Variants in CNTNAP2 observed in about 807,000 individuals in gnomAD.
CNTNAP2 encodes the protein contactin-associated protein-like 2.
CNTNAP2 carries 98 observed loss-of-function variants against 155.2 expected under a neutral mutation model. The observed-to-expected ratio is 0.63, with a 90% CI of 0.54 to 0.75. CNTNAP2 has a LOEUF of 0.75. Among genes scored for constraint, CNTNAP2 ranks in the 30% least tolerant of loss-of-function variants. The pLI, the probability that CNTNAP2 is intolerant of heterozygous loss-of-function variation, is 0.00. For missense variants in CNTNAP2, 1,727 were observed against 1,688.1 expected, an observed-to-expected ratio of 1.02 and a Z score of -0.40; for synonymous variants, 651 against 631.2, an observed-to-expected ratio of 1.03 and a Z score of -0.47.
At chr7:148,112,160 C>T (rs1804366587) in intron 15 of CNTNAP2, among the ~76,000 whole-genome samples, 1 of 152,108 alleles carries the variant, frequency 6.6e-6, no homozygotes, top group Non-Finnish European at 1.5e-5. Context: ...AAGAGTTTTA[C>T]TGCTGTGTTA....
At chr7:147,306,034 G>T (rs1048032617) in intron 9 of CNTNAP2, among the ~76,000 whole-genome samples, 8 of 152,012 alleles carry the variant, frequency 5.3e-5, no homozygotes, top group Non-Finnish European at 1.2e-4. Context: ...ATGGGATTAG[G>T]TATCATCCTA....
intron 6 of CNTNAP2, among the ~76,000 whole-genome samples, chr7:147,125,814 A>C (rs2129283830): frequency 6.6e-6 from 1 of 152,318 alleles, no homozygotes; most frequent in South Asian, 2.1e-4. Context: ...AGGAAGTAAT[A>C]GAAAAAAATG....
chr7:146,985,030 C>T (rs1394821922), intron 3 of CNTNAP2, among the ~76,000 whole-genome samples: 1 of 152,156 alleles, frequency 6.6e-6, no homozygotes, highest in Non-Finnish European at 1.5e-5. Context: ...GTCACAAAAA[C>T]ACACTATCCT....
chr7:147,447,869 C>A (rs1176296524), intron 10 of CNTNAP2, among the ~76,000 whole-genome samples: 1 of 151,868 alleles, frequency 6.6e-6, no homozygotes, highest in African/African-American at 2.4e-5. Context: ...ATAAATATGG[C>A]TAGTATCAAG....
chr7:146,289,467 T>C (rs908411922), intron 1 of CNTNAP2, among the ~76,000 whole-genome samples: 2 of 152,228 alleles, frequency 1.3e-5, no homozygotes, highest in African/African-American at 4.8e-5. Context: ...CATTTTTCTG[T>C]TATGATTAAT....
chr7:147,378,592 A>G (rs937532183), intron 9 of CNTNAP2, among the ~76,000 whole-genome samples: 3 of 152,074 alleles, frequency 2.0e-5, no homozygotes, highest in African/African-American at 4.8e-5. Context: ...AATGATGGTT[A>G]TCAAAGGCTG....
chr7:146,707,670 G>A (rs917922323), intron 1 of CNTNAP2, among the ~76,000 whole-genome samples: 2 of 152,126 alleles, frequency 1.3e-5, no homozygotes, highest in African/African-American at 4.8e-5. Context: ...CCTTTGAAAT[G>A]GTCAAGCTTT....
intron 8 of CNTNAP2, among the ~76,000 whole-genome samples, chr7:147,179,810 A>C (rs1802418340): frequency 6.6e-6 from 1 of 152,132 alleles, no homozygotes; most frequent in African/African-American, 2.4e-5. Flanking sequence ...CAAAAACTTT[A>C]AAGGGTTACA....
At chr7:146,945,863 A>T (rs534889388) in intron 3 of CNTNAP2, among the ~76,000 whole-genome samples, 1 of 152,252 alleles carries the variant, frequency 6.6e-6, no homozygotes, top group Admixed American at 6.5e-5. Context: ...GAGTACAATG[A>T]TCATTTTCTT....
chr7:147,369,103 T>C (rs1342828336), intron 9 of CNTNAP2, among the ~76,000 whole-genome samples: 1 of 152,248 alleles, frequency 6.6e-6, no homozygotes, highest in African/African-American at 2.4e-5. Flanking sequence ...TTGAATACTT[T>C]CTAACCACGT....
At chr7:146,145,880 A>G (rs1797950404) in intron 1 of CNTNAP2, among the ~76,000 whole-genome samples, 1 of 152,218 alleles carries the variant, frequency 6.6e-6, no homozygotes, top group African/African-American at 2.4e-5. Context: ...AGAAGCAGCC[A>G]TGAGTTTGTG....
At chr7:147,192,329 A>C (rs1400859128) in intron 8 of CNTNAP2, among the ~76,000 whole-genome samples, 1 of 107,210 alleles carries the variant, frequency 9.3e-6, no homozygotes, top group Non-Finnish European at 2.1e-5. Flanking sequence ...TTTTAATACC[A>C]CTTCTTCTCC....
chr7:146,360,523 G>C (rs773496290), intron 1 of CNTNAP2, among the ~76,000 whole-genome samples: 4 of 151,774 alleles, frequency 2.6e-5, no homozygotes, highest in Non-Finnish European at 2.9e-5. Flanking sequence ...GTTTAGAATA[G>C]AGGGAGTTAC....
chr7:146,647,668 A>G (rs1799838107), intron 1 of CNTNAP2, among the ~76,000 whole-genome samples: 1 of 152,134 alleles, frequency 6.6e-6, no homozygotes, highest in Non-Finnish European at 1.5e-5. Context: ...AGAAAAACAT[A>G]AGGTCTTACT....
chr7:146,879,649 T>G (rs1795499259), intron 3 of CNTNAP2, among the ~76,000 whole-genome samples: 1 of 152,176 alleles, frequency 6.6e-6, no homozygotes, highest in South Asian at 2.1e-4. Flanking sequence ...AATGCCTGGG[T>G]CCAGAACCTG....
chr7:147,844,788 A>G (rs934982649), intron 13 of CNTNAP2, among the ~76,000 whole-genome samples: 2 of 41,802 alleles, frequency 4.8e-5, no homozygotes, highest in Non-Finnish European at 8.4e-5. Flanking sequence ...TAATTTATTG[A>G]GAGTTTTTAG....
At chr7:148,115,422 G>A (rs1049845001) in intron 15 of CNTNAP2, among the ~76,000 whole-genome samples, 14 of 152,150 alleles carry the variant, frequency 9.2e-5, no homozygotes, top group Non-Finnish European at 1.9e-4. Context: ...TCGTATCCTG[G>A]GGATACAGCC....
At chr7:146,785,968 A>G (rs1384969904) in intron 2 of CNTNAP2, among the ~76,000 whole-genome samples, 1 of 152,222 alleles carries the variant, frequency 6.6e-6, no homozygotes, top group Non-Finnish European at 1.5e-5. Context: ...GTAACCCAGT[A>G]GAAGCAGTGT....
chr7:148,351,492 C>T (rs1157415128), intron 21 of CNTNAP2, among the ~76,000 whole-genome samples: 3 of 151,876 alleles, frequency 2.0e-5, no homozygotes, highest in Admixed American at 6.6e-5. Flanking sequence ...TCCCTGTAAT[C>T]CCAGTACTTT....
Sources: gnomAD v4.1 joint callset for allele counts (sites outside exome capture counted in the v4.1 genomes callset) on GRCh38, gnomAD v4.1.1 for gene constraint, MANE v1.5 for transcripts, NCBI Gene and HGNC (gene_info 2026-07-23, HGNC 2026-07-21) for gene names.